ARMC2: variants seen among roughly 807,000 people sequenced by gnomAD.
ARMC2 encodes armadillo repeat-containing protein 2.
ARMC2 carries 67 observed loss-of-function variants against 90.3 expected under a neutral mutation model. That is an observed-to-expected ratio of 0.74 (90% CI 0.61 to 0.91). The LOEUF is 0.91. Ranked by LOEUF, ARMC2 falls within the 40% of genes least tolerant of loss-of-function variation. The probability of loss-of-function intolerance (pLI) is 0.00; values close to 1 mark genes in which losing one functional copy is unlikely to be tolerated. For missense variants in ARMC2, 920 were observed against 1,030.9 expected (o/e 0.89, Z 1.47); for synonymous variants, 393 against 393.0 (o/e 1.00, Z 0.00).
Position 108,953,338 on chromosome 6 carries a change from C to A in ARMC2, c.1902C>A (p.Leu634=). 1 of 1,603,586 alleles carries A rather than the reference C, an allele frequency of 6.2e-7. No individual in the cohort carries two copies. Among genetic ancestry groups the A allele is most frequent in the South Asian group, 1.1e-5 (1 of 90,930 alleles). ...LAANPGIVGL[L]LTTLEYKSLD... ...CCAACCCGGGGATAGTGGGCCTGCT[C>A]CTGACCACGCTGGGTGAGAACCGCA... Residue 634 remains leucine (L), a synonymous_variant, in exon 13 of 18, where the codon CTC becomes CTA. Transcript: ENST00000392644.
the ARMC2 span, among the ~76,000 whole-genome samples, chr6:109,052,465 CTCTT>C: frequency 3.9e-5 from 6 of 152,238 alleles, no homozygotes; most frequent in Middle Eastern, 3.4e-3. Flanking sequence ...ACTTTCAGTT[CTCTT>C]TCTTATGTAT....
rs982702247 is a variant in ARMC2, at chr6:108,889,357, ACTGGT to A, written c.672-5107_672-5103del. ...GATGGAGTTTCACCATATTGGCCAG[ACTGGT>A]CTCGAACTCCTGACCTCAGGCGATC... On this transcript the variant is annotated intron_variant, in intron 5 of 17. Coordinates refer to ENST00000392644, the MANE Select transcript of ARMC2 (RefSeq NM_032131.6). Among the ~76,000 whole-genome samples the A allele has an allele frequency of 6.6e-5, 10 of 151,738 alleles. 1 individual carries two copies. Among genetic ancestry groups the A allele is most frequent in the African/African-American group, 2.4e-4 (10 of 41,236 alleles).
At chr6:108,855,022 G>A (rs1774402633) in intron 2 of ARMC2, among the ~76,000 whole-genome samples, 1 of 152,104 alleles carries the variant, frequency 6.6e-6, no homozygotes, top group African/African-American at 2.4e-5. Context: ...CTTTGACTTA[G>A]TAATATGCAT....
At chr6:108,872,503 T>C (rs997895885) in intron 4 of ARMC2, among the ~76,000 whole-genome samples, 2 of 152,126 alleles carry the variant, frequency 1.3e-5, no homozygotes, top group South Asian at 4.1e-4. Context: ...GTTTTGCTGC[T>C]CTTAAACCAC....
At chr6:108,900,609 C>G (rs1222841062) in intron 7 of ARMC2, among the ~76,000 whole-genome samples, 1 of 152,180 alleles carries the variant, frequency 6.6e-6, no homozygotes, top group Non-Finnish European at 1.5e-5. Context: ...AGCAACCAAA[C>G]AGAGATGTGC....
At chr6:109,046,833 G>A in the ARMC2 span, among the ~76,000 whole-genome samples, 2 of 135,762 alleles carry the variant, frequency 1.5e-5, 1 homozygote, top group Non-Finnish European at 3.2e-5. Flanking sequence ...GAAGTGAGGA[G>A]ACCCTCTGCC....
the ARMC2 span, chr6:108,998,875 T>C: frequency 8.1e-7 from 1 of 1,232,290 alleles, no homozygotes; most frequent in East Asian, 2.5e-5. Context: ...AGCATAAAAT[T>C]ATCATTTGAA....
At chr6:108,916,721 G>A (rs1442762556) in intron 10 of ARMC2, among the ~76,000 whole-genome samples, 2 of 152,290 alleles carry the variant, frequency 1.3e-5, no homozygotes, top group Admixed American at 1.3e-4. Flanking sequence ...CTCTAGAATG[G>A]ATTATCATGA....
chr6:108,937,065 T>G, intron 12 of ARMC2, 66 bp downstream of exon 12: 1 of 1,336,348 alleles, frequency 7.5e-7, no homozygotes, highest in Non-Finnish European at 1.0e-6. Context: ...TAAGCCCATG[T>G]TAAATGTCTT....
At chr6:109,033,074 G>A in the ARMC2 span, among the ~76,000 whole-genome samples, 2 of 152,130 alleles carry the variant, frequency 1.3e-5, no homozygotes, top group African/African-American at 2.4e-5. Context: ...GGATTCAGAG[G>A]AGGGGAAAAA....
chr6:109,001,299 T>C, the ARMC2 span: 8 of 1,613,386 alleles, frequency 5.0e-6, no homozygotes, highest in East Asian at 2.2e-5. Context: ...ATTATTCCAA[T>C]GTAGTGACGA....
In ARMC2 at chr6:108,936,660, C is replaced by T. The variant is rs192436812; in HGVS notation, c.1497-240C>T. ...ATGTAAGTTTGTGTTTTCTGAATTA[C>T]GTGGGTAGTGTACACCTACATGTAA... On this transcript the variant is annotated intron_variant, in intron 11 of 17. Transcript: ENST00000392644. Among the ~76,000 whole-genome samples the T allele has an allele frequency of 1.3e-3, 192 of 152,314 alleles. 1 individual carries two copies. Among genetic ancestry groups the T allele is most frequent in the African/African-American group, 4.2e-3 (174 of 41,562 alleles).
At chr6:108,883,943 G>A (rs1249401752) in intron 5 of ARMC2, among the ~76,000 whole-genome samples, 1 of 151,868 alleles carries the variant, frequency 6.6e-6, no homozygotes, top group African/African-American at 2.4e-5. Context: ...TTATTTCTGG[G>A]TGGTGGGATC....
chr6:108,911,011 A>G lies in ARMC2; in HGVS notation c.1126+10A>G. On this transcript the variant is annotated intron_variant, in intron 9 of 17. Transcript: ENST00000392644. The stretch of plus-strand genomic sequence containing the variant: ...AATGACAGCATTCTGGGTGAGTGTC[A>G]TTCAGTGCTACTATTGAGCAAATGC... 4 of 1,506,054 alleles carry G rather than the reference A, an allele frequency of 2.7e-6. No homozygotes were observed. Among genetic ancestry groups the G allele is most frequent in the Non-Finnish European group, 3.6e-6 (4 of 1,100,874 alleles). 93.3% of individuals were successfully genotyped at this position (1,506,054 alleles called of 1,614,324 possible). A position where few individuals can be genotyped will look rare whatever the true frequency, so the allele number is the denominator to read the frequency against.
At chr6:108,976,522 T>A (rs1447987282), downstream of ARMC2, among the ~76,000 whole-genome samples, 5 of 152,200 alleles carry the variant, frequency 3.3e-5, no homozygotes, top group East Asian at 9.6e-4. Context: ...TTTAAAGTAG[T>A]TTTCTCCAAT....
At chr6:108,986,987 C>T in the ARMC2 span, 3 of 152,550 alleles carry the variant, frequency 2.0e-5, no homozygotes, top group Non-Finnish European at 4.4e-5. Context: ...GAATTCTATG[C>T]TTTTTTAGAT....
intron 10 of ARMC2, among the ~76,000 whole-genome samples, chr6:108,926,182 G>A (rs1036627659): frequency 1.3e-5 from 2 of 152,186 alleles, no homozygotes; most frequent in Non-Finnish European, 2.9e-5. Context: ...AACTGTTGGT[G>A]TGCAGTGACT....
chr6:109,025,649 CAG>C, the ARMC2 span, among the ~76,000 whole-genome samples: 1 of 151,138 alleles, frequency 6.6e-6, no homozygotes, highest in African/African-American at 2.4e-5. Context: ...AATAACTAGA[CAG>C]ATTTGAAAAT....
chr6:109,052,327 A>C, the ARMC2 span, among the ~76,000 whole-genome samples: 1 of 152,220 alleles, frequency 6.6e-6, no homozygotes, highest in Non-Finnish European at 1.5e-5. Flanking sequence ...ATTATAAAGC[A>C]ATGTTTTACT....
Sources: allele counts gnomAD v4.1 joint callset (sites outside exome capture counted in the v4.1 genomes callset), GRCh38; gene constraint gnomAD v4.1.1; transcripts MANE v1.5; gene names NCBI Gene and HGNC (gene_info 2026-07-23, HGNC 2026-07-21).